Variants in PM20D2 observed in about 807,000 individuals in gnomAD.
PM20D2 encodes peptidase M20 domain containing 2.
PM20D2 carries 33 observed loss-of-function variants against 42.9 expected under a neutral mutation model. That is an observed-to-expected ratio of 0.77 (90% CI 0.58 to 1.03). The LOEUF is 1.03. PM20D2 is among the 50% of genes least tolerant of loss of function. PM20D2 has a pLI of 0.00. For missense variants in PM20D2, 548 were observed against 557.0 expected (o/e 0.98, Z 0.16); for synonymous variants, 250 against 228.2 (o/e 1.10, Z -0.86).
chr6:89,146,309 G>A lies in PM20D2; in HGVS notation c.165G>A (p.Glu55=). Residue 55 remains glutamate, a synonymous_variant, in exon 1 of 7, where the codon GAG becomes GAA. Coordinates refer to ENST00000275072, the MANE Select transcript of PM20D2 (RefSeq NM_001010853.3). ...IWSQPELAYE[E]HHAHRVLTHF... is the part of the protein sequence containing the mutation. ...GCCAGCCCGAGCTGGCCTACGAGGA[G>A]CACCATGCCCACCGCGTGCTGACGC... 6.3e-7 allele frequency: 1 copy of A among 1,581,226 alleles called. No individual in the cohort carries two copies. The highest frequency in any genetic ancestry group is 8.5e-7 in the Non-Finnish European group (1 of 1,171,928).
chr6:89,095,066 C>G, the PM20D2 span, among the ~76,000 whole-genome samples: 53 of 152,270 alleles, frequency 3.5e-4, no homozygotes, highest in Non-Finnish European at 6.5e-4. Flanking sequence ...TTTCGCTTTA[C>G]AGAGCCTAGA....
the PM20D2 span, among the ~76,000 whole-genome samples, chr6:89,119,767 C>T: frequency 2.6e-5 from 4 of 152,222 alleles, no homozygotes; most frequent in Non-Finnish European, 5.9e-5. Flanking sequence ...GATCCAGTCT[C>T]CACTTCTGTC....
rs774754300 is a variant in PM20D2, at chr6:89,153,184, T to C, written c.756T>C (p.His252=). ...RQQMKPTWRV[H]GIIKNGGVKP... is the part of the protein sequence containing the mutation. ...AAATGAAACCAACCTGGAGAGTTCA[T>C]GGTATGAATGTCAAATACCTTCTAT... The change falls in exon 3 of 7, where the codon CAT becomes CAC. Residue 252 remains histidine (H), a splice_region_variant and synonymous_variant. Coordinates refer to ENST00000275072, the MANE Select transcript of PM20D2 (RefSeq NM_001010853.3). 1.9e-6 allele frequency: 3 copies of C among 1,590,180 alleles called. No individual in the cohort carries two copies. The highest frequency in any genetic ancestry group is 1.7e-4 in the Middle Eastern group (1 of 5,988).
chr6:89,139,002 G>T, the PM20D2 span, among the ~76,000 whole-genome samples: 1 of 152,152 alleles, frequency 6.6e-6, no homozygotes, highest in Admixed American at 6.5e-5. Context: ...TACAATAATA[G>T]CAATGATGAA....
the PM20D2 span, chr6:89,107,160 T>G: frequency 6.2e-7 from 1 of 1,613,842 alleles, no homozygotes; most frequent in Non-Finnish European, 8.5e-7. Context: ...ATATTGAACA[T>G]AAGCAAATCC....
the PM20D2 span, among the ~76,000 whole-genome samples, chr6:89,111,171 C>T: frequency 2.6e-5 from 4 of 150,982 alleles, no homozygotes; most frequent in Admixed American, 1.3e-4. Flanking sequence ...TACTGTGGCA[C>T]AATCTCGGGT....
At chr6:89,124,731 T>C in the PM20D2 span, among the ~76,000 whole-genome samples, 30 of 99,174 alleles carry the variant, frequency 3.0e-4, no homozygotes, top group African/African-American at 8.3e-4. Context: ...GTTGTTGCTG[T>C]TGTTGTTTTT....
At chr6:89,119,661 C>T in the PM20D2 span, among the ~76,000 whole-genome samples, 1 of 152,186 alleles carries the variant, frequency 6.6e-6, no homozygotes, top group Admixed American at 6.5e-5. Context: ...ATCCAGGTGT[C>T]CGCAGGGCCA....
chr6:89,146,477 C>G lies in PM20D2; in HGVS notation c.333C>G (p.Leu111=), dbSNP rs888899615. The G allele has an allele frequency of 6.6e-7, 1 of 1,524,218 alleles. No homozygotes were observed. Among genetic ancestry groups the G allele is most frequent in the Non-Finnish European group, 8.7e-7 (1 of 1,143,112 alleles). 94.4% of individuals were successfully genotyped at this position (1,524,218 alleles called of 1,614,324 possible). ...CACGCCCGCTGCACCTGGGCTTCCT[C>G]TGCGAGTACGACGCGCTGCCCGGCA... ...ATPRPLHLGF[L]CEYDALPGIG... The change falls in exon 1 of 7, where the codon CTC becomes CTG. Residue 111 remains leucine (L), a synonymous_variant. Coordinates refer to ENST00000275072, the MANE Select transcript of PM20D2 (RefSeq NM_001010853.3).
At chr6:89,161,711 G>A in intron 5 of PM20D2, 72 bp from the exon 6 acceptor site, 1 of 1,193,258 alleles carries the variant, frequency 8.4e-7, no homozygotes, top group South Asian at 1.3e-5. Flanking sequence ...AACAGGGACT[G>A]TGACTTCATA....
chr6:89,148,674 G>GCCC (rs1001649494), intron 1 of PM20D2: 7 of 620,750 alleles, frequency 1.1e-5, no homozygotes, highest in Non-Finnish European at 1.4e-5. Context: ...AAAATAGGTA[G>GCCC]CCCAGTAAGG....
the PM20D2 span, among the ~76,000 whole-genome samples, chr6:89,106,279 A>C: frequency 2.4e-5 from 2 of 82,918 alleles, no homozygotes; most frequent in South Asian, 1.1e-3. Flanking sequence ...CACCCGGCTA[A>C]TTTTTGTATT....
chr6:89,138,918 T>C, the PM20D2 span, among the ~76,000 whole-genome samples: 2 of 152,136 alleles, frequency 1.3e-5, no homozygotes, highest in African/African-American at 4.8e-5. Context: ...TCATAGTTCA[T>C]CTTGAACAAA....
At chr6:89,160,965 G>T (rs937886246) in intron 5 of PM20D2, among the ~76,000 whole-genome samples, 1 of 152,030 alleles carries the variant, frequency 6.6e-6, no homozygotes, top group Non-Finnish European at 1.5e-5. Flanking sequence ...ATGAGATCAG[G>T]TTGGAAAGGT....
the PM20D2 span, among the ~76,000 whole-genome samples, chr6:89,128,882 A>T: frequency 6.6e-6 from 1 of 152,176 alleles, no homozygotes; most frequent in Non-Finnish European, 1.5e-5. Context: ...CAAATGCTCA[A>T]TATCTATATG....
At chr6:89,120,980 T>G in the PM20D2 span, among the ~76,000 whole-genome samples, 4 of 152,254 alleles carry the variant, frequency 2.6e-5, no homozygotes, top group Non-Finnish European at 4.4e-5. Flanking sequence ...ATACTTGCTT[T>G]CTTCTTATCT....
At position 89,146,302 on chromosome 6, in the gene PM20D2, A is replaced by G; in HGVS notation, c.158A>G (p.Tyr53Cys). The change falls in exon 1 of 7, where the codon TAC becomes TGC. Residue 53 changes from tyrosine (Y) to cysteine (C), a missense_variant. Around this residue, in one of 3 missense-constraint regions of PM20D2, gnomAD observed 470 missense variants for 464.4 expected, o/e 1.01. Coordinates refer to ENST00000275072, the MANE Select transcript of PM20D2 (RefSeq NM_001010853.3). The stretch of plus-strand genomic sequence containing the variant: ...ATCTGGAGCCAGCCCGAGCTGGCCT[A>G]CGAGGAGCACCATGCCCACCGCGTG... ...RAIWSQPELA[Y>C]EEHHAHRVLT... The G allele has an allele frequency of 6.3e-7, 1 of 1,581,952 alleles. No individual in the cohort carries two copies. The highest frequency in any genetic ancestry group is 8.5e-7 in the Non-Finnish European group (1 of 1,172,316).
the PM20D2 span, among the ~76,000 whole-genome samples, chr6:89,103,991 C>CTT: frequency 5.6e-3 from 462 of 81,960 alleles, 50 homozygotes; most frequent in African/African-American, 0.016. Flanking sequence ...TATTATATTT[C>CTT]TTTTTTTTTT....
the PM20D2 span, among the ~76,000 whole-genome samples, chr6:89,114,352 C>T: frequency 1.3e-3 from 196 of 152,266 alleles, 1 homozygote; most frequent in Admixed American, 0.012. Context: ...TGCTTGAGCC[C>T]AGGAGGCGGA....
Sources: allele counts gnomAD v4.1 joint callset (sites outside exome capture counted in the v4.1 genomes callset), GRCh38; gene constraint gnomAD v4.1.1; regional missense constraint gnomAD v4.1.1; transcripts MANE v1.5; gene names NCBI Gene and HGNC (gene_info 2026-07-23, HGNC 2026-07-21).